CNTNAP2: variants seen among roughly 807,000 people sequenced by gnomAD.
The protein encoded by CNTNAP2 is contactin-associated protein-like 2.
In CNTNAP2, 98 loss-of-function variants were observed where a neutral mutation model predicts 155.2. The ratio of observed to expected loss-of-function variants is 0.63; its 90% CI spans 0.54 to 0.75. The LOEUF (loss-of-function observed/expected upper bound fraction) is 0.75, where lower values mean the gene tolerates loss of function less well. Ranked by LOEUF, CNTNAP2 falls within the 30% of genes least tolerant of loss-of-function variation. The pLI, the probability that CNTNAP2 is intolerant of heterozygous loss-of-function variation, is 0.00. For synonymous variants in CNTNAP2, 651 were observed against 631.2 expected (o/e 1.03, Z -0.47); for missense variants, 1,727 against 1,688.1 (o/e 1.02, Z -0.40).
chr7:146,267,476 A>G (rs947192715), intron 1 of CNTNAP2, among the ~76,000 whole-genome samples: 1 of 152,162 alleles, frequency 6.6e-6, no homozygotes, highest in African/African-American at 2.4e-5. Context: ...TATGGACTGA[A>G]TGTTTGTGTC....
intron 15 of CNTNAP2, among the ~76,000 whole-genome samples, chr7:148,066,656 C>A (rs62471699): frequency 0.047 from 7,132 of 152,076 alleles, 226 homozygotes; most frequent in South Asian, 0.078. Context: ...CACCACCACA[C>A]CCAGCTAATT....
chr7:148,297,068 G>C (rs1797298128), intron 21 of CNTNAP2, among the ~76,000 whole-genome samples: 1 of 151,416 alleles, frequency 6.6e-6, no homozygotes, highest in Non-Finnish European at 1.5e-5. Context: ...CTGGTAAACA[G>C]TATCACCAAA....
chr7:148,086,369 C>T (rs1330070745), intron 15 of CNTNAP2, among the ~76,000 whole-genome samples: 1 of 152,140 alleles, frequency 6.6e-6, no homozygotes, highest in Non-Finnish European at 1.5e-5. Flanking sequence ...CTCAATGCAA[C>T]TAACAATCAA....
intron 1 of CNTNAP2, among the ~76,000 whole-genome samples, chr7:146,215,615 A>G (rs1799100706): frequency 6.7e-6 from 1 of 150,370 alleles, no homozygotes; most frequent in Admixed American, 6.7e-5. Flanking sequence ...TCTTATATGA[A>G]TAATATATAT....
chr7:147,100,444 TA>T (rs1188139587), intron 4 of CNTNAP2, among the ~76,000 whole-genome samples: 3 of 152,222 alleles, frequency 2.0e-5, no homozygotes, highest in Non-Finnish European at 4.4e-5. Flanking sequence ...AAAAGGTGTT[TA>T]AAACTTAGTG....
At chr7:146,126,497 G>A (rs1797639965) in intron 1 of CNTNAP2, among the ~76,000 whole-genome samples, 1 of 152,022 alleles carries the variant, frequency 6.6e-6, no homozygotes, top group Non-Finnish European at 1.5e-5. Context: ...TATCATTTGA[G>A]TACTATTGAA....
At chr7:148,110,921 A>T (rs1804335272) in intron 15 of CNTNAP2, among the ~76,000 whole-genome samples, 1 of 152,242 alleles carries the variant, frequency 6.6e-6, no homozygotes, top group African/African-American at 2.4e-5. Flanking sequence ...CAGCTTCCCA[A>T]GCACTGAGCA....
intron 1 of CNTNAP2, among the ~76,000 whole-genome samples, chr7:146,656,332 T>C (rs889406278): frequency 2.0e-5 from 3 of 152,232 alleles, no homozygotes; most frequent in East Asian, 3.8e-4. Flanking sequence ...ATTCATTTCA[T>C]CTTTCAAATC....
chr7:147,970,694 G>C (rs1801317084), intron 14 of CNTNAP2, among the ~76,000 whole-genome samples: 1 of 152,212 alleles, frequency 6.6e-6, no homozygotes, highest in Admixed American at 6.5e-5. Context: ...TGCTAAAAAT[G>C]TTGGCATTTT....
chr7:147,787,872 A>G (rs1797762512), intron 13 of CNTNAP2, among the ~76,000 whole-genome samples: 1 of 152,254 alleles, frequency 6.6e-6, no homozygotes, highest in Non-Finnish European at 1.5e-5. Context: ...ATGGAAAAGT[A>G]TAAGTTGCTT....
intron 9 of CNTNAP2, among the ~76,000 whole-genome samples, chr7:147,346,164 T>TGAGACAGAG (rs1795856880): frequency 6.9e-6 from 1 of 144,838 alleles, no homozygotes; most frequent in African/African-American, 2.6e-5. Flanking sequence ...TTTTTTTTTT[T>TGAGACAGAG]TGAGACAGAG....
chr7:146,198,375 G>A (rs565649801), intron 1 of CNTNAP2, among the ~76,000 whole-genome samples: 53 of 152,184 alleles, frequency 3.5e-4, no homozygotes, highest in Admixed American at 2.5e-3. Context: ...TGACTGGAAC[G>A]ATTAACTCAA....
intron 13 of CNTNAP2, among the ~76,000 whole-genome samples, chr7:147,891,998 T>A (rs1437529074): frequency 6.6e-6 from 1 of 152,184 alleles, no homozygotes; most frequent in Non-Finnish European, 1.5e-5. Context: ...AGTACTATTA[T>A]TAGAAAAAAT....
intron 1 of CNTNAP2, among the ~76,000 whole-genome samples, chr7:146,505,382 C>G (rs1797367829): frequency 6.6e-6 from 1 of 152,170 alleles, no homozygotes; most frequent in Non-Finnish European, 1.5e-5. Flanking sequence ...AAATACAGGC[C>G]AAGCTTTCAT....
At chr7:147,342,719 A>T (rs1301882979) in intron 9 of CNTNAP2, among the ~76,000 whole-genome samples, 1 of 152,178 alleles carries the variant, frequency 6.6e-6, no homozygotes, top group East Asian at 1.9e-4. Context: ...TGAGAGCAGC[A>T]GCAACAAAAA....
intron 15 of CNTNAP2, among the ~76,000 whole-genome samples, chr7:148,064,801 C>T (rs946440622): frequency 5.9e-5 from 9 of 151,666 alleles, no homozygotes; most frequent in Admixed American, 4.6e-4. Context: ...AGTTTTACTC[C>T]GATCTTTGTT....
chr7:146,333,746 G>A (rs1003817379), intron 1 of CNTNAP2, among the ~76,000 whole-genome samples: 2 of 152,074 alleles, frequency 1.3e-5, no homozygotes, highest in Non-Finnish European at 2.9e-5. Flanking sequence ...TGGTACTTTC[G>A]GTTGGTAACT....
chr7:147,770,678 A>G (rs1357302636), intron 13 of CNTNAP2, among the ~76,000 whole-genome samples: 1 of 152,202 alleles, frequency 6.6e-6, no homozygotes, highest in Non-Finnish European at 1.5e-5. Context: ...TCTCTAGGGG[A>G]AAAAGTATAA....
intron 11 of CNTNAP2, among the ~76,000 whole-genome samples, chr7:147,525,238 C>T (rs531075965): frequency 1.3e-5 from 2 of 152,284 alleles, no homozygotes; most frequent in African/African-American, 4.8e-5. Context: ...GTCAAAGAAA[C>T]ACAGAGCATA....
Sources: allele counts gnomAD v4.1 joint callset (sites outside exome capture counted in the v4.1 genomes callset), GRCh38; gene constraint gnomAD v4.1.1; transcripts MANE v1.5; gene names NCBI Gene and HGNC (gene_info 2026-07-23, HGNC 2026-07-21).